Variants in GAB2 observed in about 807,000 individuals in gnomAD.
The protein encoded by GAB2 is GRB2-associated-binding protein 2.
A neutral mutation model predicts 65.5 loss-of-function variants in GAB2; 26 were observed. The observed-to-expected ratio is 0.40, with a 90% CI of 0.29 to 0.55. The LOEUF (loss-of-function observed/expected upper bound fraction) is 0.55. GAB2 is among the 20% of genes least tolerant of loss of function. GAB2 has a pLI of 0.53. For synonymous variants in GAB2, 321 were observed against 329.6 expected (o/e 0.97, Z 0.28); for missense variants, 884 against 875.8 (o/e 1.01, Z -0.12).
chr11:78,263,401 A>G (rs1487195872), intron 2 of GAB2, among the ~76,000 whole-genome samples: 5 of 152,146 alleles, frequency 3.3e-5, no homozygotes, highest in African/African-American at 1.2e-4. Context: ...TGGGAGGCCA[A>G]GGCGGGCAGA....
chr11:78,407,409 T>A (rs1206994310), intron 1 of GAB2, among the ~76,000 whole-genome samples: 2 of 151,938 alleles, frequency 1.3e-5, no homozygotes, highest in African/African-American at 4.8e-5. Context: ...GTTGGGTGGA[T>A]CACCTGAGGT....
At chr11:78,386,631 A>G (rs1856771482) in intron 1 of GAB2, among the ~76,000 whole-genome samples, 1 of 152,168 alleles carries the variant, frequency 6.6e-6, no homozygotes, top group South Asian at 2.1e-4. Flanking sequence ...CTCTGCAAGA[A>G]GGCCTGGAGG....
chr11:78,407,793 A>G (rs1857074248), intron 1 of GAB2, among the ~76,000 whole-genome samples: 1 of 151,918 alleles, frequency 6.6e-6, no homozygotes, highest in Non-Finnish European at 1.5e-5. Flanking sequence ...AAAGAAAAGA[A>G]AAGAAAGAAA....
intron 1 of GAB2, among the ~76,000 whole-genome samples, chr11:78,353,888 G>A (rs1565170785): frequency 6.6e-6 from 1 of 152,322 alleles, no homozygotes; most frequent in Admixed American, 6.5e-5. Context: ...ACAAAATAAA[G>A]AAGTGGTTCT....
In GAB2 at chr11:78,223,495, G is replaced by A. The variant is rs199948783; in HGVS notation, c.1484C>T (p.Thr495Ile). ...HFDSLGYPSTTLPVHRGPSRG... is the reference protein window; with the variant it reads ...HFDSLGYPSTILPVHRGPSRG... The stretch of plus-strand genomic sequence containing the variant: ...GCTGGGGCCTCGGTGCACAGGAAGG[G>A]TTGTTGATGGGTAGCCAAGTGAGTC... The change falls in exon 6 of 10, where the codon ACC becomes ATC. Residue 495 changes from threonine (T) to isoleucine (I), a missense_variant. Coordinates refer to ENST00000361507, the MANE Select transcript of GAB2 (RefSeq NM_080491.3). 8.1e-6 allele frequency: 13 copies of A among 1,610,844 alleles called. No homozygotes were observed. Among genetic ancestry groups the A allele is most frequent in the Non-Finnish European group, 1.1e-5 (13 of 1,178,434 alleles).
intron 1 of GAB2, among the ~76,000 whole-genome samples, chr11:78,361,573 A>C (rs1276699038): frequency 1.3e-5 from 2 of 152,228 alleles, no homozygotes; most frequent in Non-Finnish European, 2.9e-5. Context: ...AACCCTGCAG[A>C]AAAATAAGCA....
At chr11:78,382,639 AC>A (rs1221537847) in intron 1 of GAB2, among the ~76,000 whole-genome samples, 1 of 152,118 alleles carries the variant, frequency 6.6e-6, no homozygotes, top group Non-Finnish European at 1.5e-5. Context: ...AAATTAAGTC[AC>A]CACGCATGGA....
At chr11:78,376,260 A>C (rs777438642) in intron 1 of GAB2, among the ~76,000 whole-genome samples, 6 of 152,214 alleles carry the variant, frequency 3.9e-5, no homozygotes, top group Non-Finnish European at 8.8e-5. Context: ...CCCTAAGCAA[A>C]GTCTGCCTGT....
chr11:78,220,544 C>G, intron 8 of GAB2, 100 bp from the exon 9 acceptor site: 1 of 989,526 alleles, frequency 1.0e-6, no homozygotes, highest in Non-Finnish European at 1.5e-6. Flanking sequence ...TTCCCTGAGC[C>G]CTACTCTGAC....
At chr11:78,289,029 G>A (rs1320041805) in intron 1 of GAB2, among the ~76,000 whole-genome samples, 1 of 152,152 alleles carries the variant, frequency 6.6e-6, no homozygotes, top group East Asian at 1.9e-4. Flanking sequence ...GAAGAACAAT[G>A]GATTAGAACA....
chr11:78,408,801 C>T (rs1205705596), intron 1 of GAB2, among the ~76,000 whole-genome samples: 1 of 152,192 alleles, frequency 6.6e-6, no homozygotes, highest in African/African-American at 2.4e-5. Context: ...TCTCCCCTCA[C>T]TCTCTTCCTC....
At chr11:78,287,881 C>G (rs1208399868) in intron 1 of GAB2, among the ~76,000 whole-genome samples, 1 of 151,670 alleles carries the variant, frequency 6.6e-6, no homozygotes, top group Non-Finnish European at 1.5e-5. Flanking sequence ...CTCTTGGCCT[C>G]AAGTGATCCA....
rs574740412 is a variant in GAB2 at position 78,277,325 on chromosome 11, T to C, written c.376+3276A>G. On this transcript the variant is annotated intron_variant, in intron 2 of 9. Coordinates refer to ENST00000361507, the MANE Select transcript of GAB2 (RefSeq NM_080491.3). The stretch of plus-strand genomic sequence containing the variant: ...CCATTTCTCACATTGTTAGAGTAGG[T>C]AGCTAGGCAGACATGAGCAGGGCAG... Among the ~76,000 whole-genome samples the C allele has an allele frequency of 9.9e-5, 15 of 152,264 alleles. No individual in the cohort carries two copies. The South Asian group carries it at 3.1e-3, about 32-fold the overall frequency.
intron 1 of GAB2, among the ~76,000 whole-genome samples, chr11:78,404,613 G>A (rs943490562): frequency 1.1e-4 from 16 of 152,212 alleles, no homozygotes; most frequent in African/African-American, 3.6e-4. Flanking sequence ...GTGGCAACAC[G>A]GTTGGTACTG....
In GAB2 at chr11:78,217,143, C is replaced by G. The variant is rs907248195; in HGVS notation, c.*2129G>C. 16 of 147,666 alleles carry G rather than the reference C, an allele frequency of 1.1e-4. No homozygotes were observed. The allele number at this position is 147,666 out of a possible 1,614,324, so 9.1% of individuals were successfully genotyped here. On this transcript the variant is annotated 3_prime_UTR_variant, in exon 10 of 10. Transcript: ENST00000361507. Reference sequence around the variant, plus strand: ...CTAGAATCCACCTTCCCTGATCCCCCACTCCTGCCTCTGACACCAACCTCC... The same window carrying G: ...CTAGAATCCACCTTCCCTGATCCCCGACTCCTGCCTCTGACACCAACCTCC...
intron 2 of GAB2, among the ~76,000 whole-genome samples, chr11:78,251,406 G>GT (rs1856095791): frequency 6.6e-6 from 1 of 152,172 alleles, no homozygotes; most frequent in African/African-American, 2.4e-5. Context: ...TGTTGTGTTA[G>GT]TAAGTGAGGT....
intron 1 of GAB2, among the ~76,000 whole-genome samples, chr11:78,322,797 T>TAAAAAAAAAA (rs34497179): frequency 8.5e-6 from 1 of 117,830 alleles, no homozygotes. Context: ...TACTGAAAAG[T>TAAAAAAAAAA]AAAAAAAAAA....
In GAB2 at chr11:78,226,867, G is replaced by C. The variant is rs371157284; in HGVS notation, c.805C>G (p.Pro269Ala). ...TEFRDSTYDLPRSLASHGHTK... is the reference protein window; with the variant it reads ...TEFRDSTYDLARSLASHGHTK... Reference sequence around the variant, plus strand: ...TGGCCATGGGAGGCCAGGCTGCGGGGGAGGTCGTAGGTACTGTCTCTGAAT... The same window carrying C: ...TGGCCATGGGAGGCCAGGCTGCGGGCGAGGTCGTAGGTACTGTCTCTGAAT... Residue 269 changes from proline (P) to alanine (A), a missense_variant, in exon 4 of 10, where the codon CCC becomes GCC. Physicochemically the swap from Pro to Ala is conservative, Grantham distance 27. Coordinates refer to ENST00000361507, the MANE Select transcript of GAB2 (RefSeq NM_080491.3). 1 of 1,614,150 alleles carries C rather than the reference G, an allele frequency of 6.2e-7. No individual in the cohort carries two copies. The highest frequency in any genetic ancestry group is 2.2e-5 in the East Asian group (1 of 44,872).
intron 1 of GAB2, among the ~76,000 whole-genome samples, chr11:78,307,783 G>A (rs967523663): frequency 1.3e-5 from 2 of 152,208 alleles, no homozygotes; most frequent in African/African-American, 4.8e-5. Context: ...CAAAAGAAGT[G>A]AGAATATAAC....
Sources: gnomAD v4.1 joint callset for allele counts (sites outside exome capture counted in the v4.1 genomes callset) on GRCh38, gnomAD v4.1.1 for gene constraint, MANE v1.5 for transcripts, NCBI Gene and HGNC (gene_info 2026-07-23, HGNC 2026-07-21) for gene names.